CCDC102B: variants seen among roughly 807,000 people sequenced by gnomAD.
The protein encoded by CCDC102B is coiled-coil domain-containing protein 102B.
A neutral mutation model predicts 57.4 loss-of-function variants in CCDC102B; 75 were observed. That is an observed-to-expected ratio of 1.31 (90% CI 1.08 to 1.58). CCDC102B has a LOEUF of 1.58. CCDC102B is among the 40% of genes most tolerant of loss of function. CCDC102B has a pLI of 0.00. For missense variants in CCDC102B, 636 were observed against 582.6 expected (o/e 1.09, Z -0.94); for synonymous variants, 206 against 201.9 (o/e 1.02, Z -0.17).
At chr18:69,034,792 C>T (rs1568139334) in intron 7 of CCDC102B, among the ~76,000 whole-genome samples, 1 of 151,552 alleles carries the variant, frequency 6.6e-6, no homozygotes, top group African/African-American at 2.4e-5. Context: ...TATATATACA[C>T]ACATACATAT....
chr18:69,032,176 C>T (rs2052164289), intron 7 of CCDC102B, among the ~76,000 whole-genome samples: 1 of 152,224 alleles, frequency 6.6e-6, no homozygotes, highest in Admixed American at 6.6e-5. Flanking sequence ...CAAAGAGGCA[C>T]ATAGCCCAGT....
chr18:68,816,502 G>A (rs1163370273), intron 1 of CCDC102B, among the ~76,000 whole-genome samples: 2 of 91,070 alleles, frequency 2.2e-5, no homozygotes, highest in African/African-American at 1.0e-4. Flanking sequence ...GTCTCGCTCT[G>A]TAGCCCAGGC....
intron 3 of CCDC102B, among the ~76,000 whole-genome samples, chr18:68,842,062 T>C (rs1038014141): frequency 6.6e-6 from 1 of 152,086 alleles, no homozygotes; most frequent in African/African-American, 2.4e-5. Context: ...TAATTTATTT[T>C]CTATGTAAGA....
intron 1 of CCDC102B, among the ~76,000 whole-genome samples, chr18:68,816,315 A>T (rs1182583595): frequency 6.6e-6 from 1 of 152,240 alleles, no homozygotes; most frequent in Non-Finnish European, 1.5e-5. Flanking sequence ...TGTAGCATAT[A>T]TTCTAACAAT....
intron 1 of CCDC102B, among the ~76,000 whole-genome samples, chr18:68,812,005 C>A (rs1352401351): frequency 6.6e-6 from 1 of 152,180 alleles, no homozygotes; most frequent in Non-Finnish European, 1.5e-5. Flanking sequence ...GATTCTCCTA[C>A]CACTGCTGAT....
intron 6 of CCDC102B, among the ~76,000 whole-genome samples, chr18:68,911,244 A>G (rs1309202618): frequency 6.6e-6 from 1 of 152,266 alleles, no homozygotes; most frequent in African/African-American, 2.4e-5. Context: ...ATCATGGAAT[A>G]CTATGCAGCC....
chr18:68,778,571 G>A (rs894817939), intron 2 of CCDC102B, among the ~76,000 whole-genome samples: 2 of 152,010 alleles, frequency 1.3e-5, no homozygotes, highest in Non-Finnish European at 2.9e-5. Flanking sequence ...CAAAGACTAA[G>A]TCACAGTGAA....
At chr18:69,011,638 G>T (rs2051521134) in intron 7 of CCDC102B, among the ~76,000 whole-genome samples, 1 of 150,846 alleles carries the variant, frequency 6.6e-6, no homozygotes, top group African/African-American at 2.4e-5. Context: ...TACAACTGTG[G>T]GGGTGATTTC....
chr18:68,792,800 A>C (rs1284195163), intron 2 of CCDC102B, among the ~76,000 whole-genome samples: 1 of 152,134 alleles, frequency 6.6e-6, no homozygotes, highest in Non-Finnish European at 1.5e-5. Context: ...TTTTTCTTAA[A>C]TTGTTTTCTT....
At chr18:69,013,368 C>T (rs899593604) in intron 7 of CCDC102B, among the ~76,000 whole-genome samples, 3 of 151,888 alleles carry the variant, frequency 2.0e-5, no homozygotes, top group Admixed American at 1.3e-4. Flanking sequence ...ACAATGGCGA[C>T]TCGGAAAGGT....
chr18:69,042,088 G>C (rs76126184), intron 7 of CCDC102B, among the ~76,000 whole-genome samples: 5,357 of 152,088 alleles, frequency 0.035, 155 homozygotes, highest in Non-Finnish European at 0.055. Flanking sequence ...TTCTAACCAG[G>C]CTTGAAAAGA....
chr18:68,925,800 A>G (rs902476632), intron 6 of CCDC102B, among the ~76,000 whole-genome samples: 5 of 152,018 alleles, frequency 3.3e-5, no homozygotes, highest in Non-Finnish European at 5.9e-5. Context: ...CTGATGAATC[A>G]TCAAAAAGCC....
rs2037413301 is a variant in CCDC102B at position 68,837,070 on chromosome 18, A to G, written c.307A>G (p.Arg103Gly). 6.2e-7 allele frequency: 1 copy of G among 1,614,088 alleles called. No homozygotes were observed. Among genetic ancestry groups the G allele is most frequent in the African/African-American group, 1.3e-5 (1 of 74,936 alleles). Residue 103 changes from arginine to glycine, a missense_variant, in exon 2 of 8, where the codon AGA becomes GGA. Transcript: ENST00000360242. ...RWWSDCTANW[R>G]EKWSKVRAER... is the part of the protein sequence containing the mutation. The stretch of plus-strand genomic sequence containing the variant: ...GTGGTCGGACTGCACTGCCAACTGG[A>G]GAGAAAAATGGAGTAAAGTTCGAGC...
rs574128941 is a variant in CCDC102B, at chr18:69,022,562, T to C, written c.1434+11458T>C. ...TTTTCCTTCTTTTTTACCTCCTTTG[T>C]AGTGCTCTTGGTGACCAGAGTTGAA... On this transcript the variant is annotated intron_variant, in intron 7 of 7. Coordinates refer to ENST00000360242, the MANE Select transcript of CCDC102B (RefSeq NM_024781.3). Among the ~76,000 whole-genome samples the C allele has an allele frequency of 3.9e-5, 6 of 152,172 alleles. No homozygotes were observed. In the East Asian group the frequency reaches 1.2e-3, roughly 29 times the overall value.
chr18:68,775,043 T>C (rs1039062727), intron 2 of CCDC102B, among the ~76,000 whole-genome samples: 1 of 151,330 alleles, frequency 6.6e-6, no homozygotes, highest in African/African-American at 2.4e-5. Flanking sequence ...TTTTTTGTTT[T>C]GTCTTTTCAC....
chr18:68,882,992 A>G (rs1051058234), intron 5 of CCDC102B, among the ~76,000 whole-genome samples: 2 of 152,296 alleles, frequency 1.3e-5, no homozygotes, highest in Admixed American at 1.3e-4. Context: ...CGGTGGAAAG[A>G]GGGAGAGGAT....
At chr18:68,904,634 A>G (rs1428394256) in intron 6 of CCDC102B, among the ~76,000 whole-genome samples, 3 of 152,196 alleles carry the variant, frequency 2.0e-5, no homozygotes, top group East Asian at 1.9e-4. Flanking sequence ...TTGCAAAAGT[A>G]GTATGACATT....
At chr18:69,003,844 T>A (rs1308027631) in intron 6 of CCDC102B, among the ~76,000 whole-genome samples, 1 of 152,194 alleles carries the variant, frequency 6.6e-6, no homozygotes, top group Admixed American at 6.5e-5. Flanking sequence ...ATTGGGAACG[T>A]TTACTAACTG....
intron 1 of CCDC102B, among the ~76,000 whole-genome samples, chr18:68,807,646 C>T (rs760335614): frequency 5.3e-5 from 8 of 152,130 alleles, no homozygotes; most frequent in Admixed American, 3.3e-4. Context: ...GAAATACAAA[C>T]ACTGAGTATT....
Sources: allele counts gnomAD v4.1 joint callset (sites outside exome capture counted in the v4.1 genomes callset), GRCh38; gene constraint gnomAD v4.1.1; transcripts MANE v1.5; gene names NCBI Gene and HGNC (gene_info 2026-07-23, HGNC 2026-07-21).